CHRM2: variants seen among roughly 807,000 people sequenced by gnomAD.
The protein encoded by CHRM2 is muscarinic acetylcholine receptor M2.
In CHRM2, 8 loss-of-function variants were observed where a neutral mutation model predicts 25.0. The ratio of observed to expected loss-of-function variants is 0.32; its 90% CI spans 0.19 to 0.58. The LOEUF is 0.58. Ranked by LOEUF, CHRM2 falls within the 20% of genes least tolerant of loss-of-function variation. The pLI is 0.88. For missense variants in CHRM2, 440 were observed against 567.1 expected (o/e 0.78, Z 2.28); for synonymous variants, 202 against 205.7 (o/e 0.98, Z 0.15).
intron 2 of CHRM2, among the ~76,000 whole-genome samples, chr7:136,973,989 T>C (rs2130942675): frequency 6.6e-6 from 1 of 152,294 alleles, no homozygotes; most frequent in South Asian, 2.1e-4. Context: ...TTGCCTTTCT[T>C]GAGAATAGAA....
chr7:136,919,732 C>G (rs1798318637), intron 2 of CHRM2, among the ~76,000 whole-genome samples: 1 of 152,062 alleles, frequency 6.6e-6, no homozygotes, highest in Non-Finnish European at 1.5e-5. Context: ...CCCTTTCTCT[C>G]CATTTCTAGG....
intron 2 of CHRM2, among the ~76,000 whole-genome samples, chr7:136,911,554 T>C (rs1159779635): frequency 1.3e-5 from 2 of 152,018 alleles, no homozygotes; most frequent in South Asian, 4.1e-4. Flanking sequence ...TTGGGCTGTA[T>C]CTTCACGTAC....
At chr7:136,988,912 A>G (rs937701004) in intron 2 of CHRM2, among the ~76,000 whole-genome samples, 4 of 152,034 alleles carry the variant, frequency 2.6e-5, no homozygotes, top group African/African-American at 9.7e-5. Flanking sequence ...AAATTTATGA[A>G]TTCATGATAA....
At chr7:136,926,029 G>C (rs1798727752) in intron 2 of CHRM2, among the ~76,000 whole-genome samples, 1 of 152,090 alleles carries the variant, frequency 6.6e-6, no homozygotes, top group Admixed American at 6.5e-5. Flanking sequence ...TTGAGTCCAG[G>C]AGTTTGGGAC....
intron 3 of CHRM2, among the ~76,000 whole-genome samples, chr7:137,007,431 C>A (rs1327768348): frequency 2.6e-5 from 4 of 152,036 alleles, no homozygotes. Context: ...AGCTAGAGAG[C>A]CATGATTTCT....
At chr7:136,915,776 A>C (rs1284021993) in intron 2 of CHRM2, among the ~76,000 whole-genome samples, 1 of 151,880 alleles carries the variant, frequency 6.6e-6, no homozygotes, top group Non-Finnish European at 1.5e-5. Flanking sequence ...CAGTGAATTC[A>C]GTATATAATG....
At chr7:136,881,844 G>T (rs1055377904) in intron 2 of CHRM2, among the ~76,000 whole-genome samples, 2 of 151,898 alleles carry the variant, frequency 1.3e-5, no homozygotes, top group African/African-American at 4.8e-5. Context: ...AATATCACAG[G>T]GCTGTTTACT....
At chr7:136,990,126 T>C (rs1201641169) in intron 2 of CHRM2, among the ~76,000 whole-genome samples, 2 of 152,162 alleles carry the variant, frequency 1.3e-5, no homozygotes, top group Non-Finnish European at 2.9e-5. Context: ...ATTTCTTATA[T>C]ACCTCCTACC....
chr7:136,938,070 G>A (rs1410919825), intron 2 of CHRM2, among the ~76,000 whole-genome samples: 1 of 152,166 alleles, frequency 6.6e-6, no homozygotes, highest in African/African-American at 2.4e-5. Flanking sequence ...GAGAGGGCAG[G>A]CATTTCTGGA....
chr7:136,901,633 G>T (rs79023100), intron 2 of CHRM2, among the ~76,000 whole-genome samples: 3,065 of 151,862 alleles, frequency 0.02, 99 homozygotes, highest in African/African-American at 0.07. Context: ...CATTTCCATT[G>T]TTATTTTTTG....
At chr7:136,916,313 T>C (rs1798109512) in intron 2 of CHRM2, among the ~76,000 whole-genome samples, 1 of 151,894 alleles carries the variant, frequency 6.6e-6, no homozygotes, top group Admixed American at 6.6e-5. Context: ...TAATCCTCAT[T>C]TTAAATAATA....
chr7:137,015,433 A>G lies in CHRM2; in HGVS notation c.568A>G (p.Thr190Ala). 1 of 1,613,440 alleles carries G rather than the reference A, an allele frequency of 6.2e-7. No homozygotes were observed. Residue 190 changes from threonine to alanine, a missense_variant, in exon 4 of 4, where the codon ACG becomes GCG. Transcript: ENST00000680005. This position sits in a 1 kb window ranked among gnomAD's most constrained non-coding sequence, Gnocchi z 5.1. ...FFSNAAVTFG[T>A]AIAAFYLPVI... The stretch of plus-strand genomic sequence containing the variant: ...TTCCAATGCTGCTGTCACCTTTGGT[A>G]CGGCTATTGCAGCCTTCTATTTGCC...
chr7:136,965,080 G>C (rs324581), intron 2 of CHRM2, among the ~76,000 whole-genome samples: 129,312 of 152,084 alleles, frequency 0.85, 55,895 homozygotes, highest in Middle Eastern at 0.97. Flanking sequence ...TAAAAGTCTA[G>C]ATATCTATGA....
At chr7:136,994,017 T>C (rs1285802466) in intron 3 of CHRM2, among the ~76,000 whole-genome samples, 2 of 152,150 alleles carry the variant, frequency 1.3e-5, no homozygotes, top group African/African-American at 4.8e-5. Context: ...TGCTTGCAGG[T>C]GATGGTTGCA....
chr7:137,004,323 A>G (rs1804271547), intron 3 of CHRM2, among the ~76,000 whole-genome samples: 1 of 152,208 alleles, frequency 6.6e-6, no homozygotes, highest in African/African-American at 2.4e-5. Flanking sequence ...GTTTATTTCA[A>G]GAAGGGAAAT....
At chr7:136,950,843 T>G (rs531469047) in intron 2 of CHRM2, among the ~76,000 whole-genome samples, 1 of 151,944 alleles carries the variant, frequency 6.6e-6, no homozygotes. Flanking sequence ...AGAGAGAGAA[T>G]CTTGCTCTGT....
At chr7:136,932,945 ACTTAAACCTGG>A (rs1799192595) in intron 2 of CHRM2, among the ~76,000 whole-genome samples, 1 of 152,084 alleles carries the variant, frequency 6.6e-6, no homozygotes, top group South Asian at 2.1e-4. Flanking sequence ...CAGGAGAATC[ACTTAAACCTGG>A]GAGGCAGAGG....
chr7:136,908,323 A>G (rs1483470753), intron 2 of CHRM2, among the ~76,000 whole-genome samples: 1 of 151,950 alleles, frequency 6.6e-6, no homozygotes, highest in Non-Finnish European at 1.5e-5. Flanking sequence ...CGAGGCTCTT[A>G]TTCTTAACTA....
At position 136,950,360 on chromosome 7, in the gene CHRM2, G is replaced by T. The variant is rs551133591; in HGVS notation, c.-124-41827G>T. Among the ~76,000 whole-genome samples, 129 of 152,272 alleles carry T rather than the reference G, an allele frequency of 8.5e-4. 1 individual carries two copies. Among genetic ancestry groups the T allele is most frequent in the African/African-American group, 3.0e-3 (123 of 41,552 alleles). On this transcript the variant is annotated intron_variant, in intron 2 of 3. Coordinates refer to ENST00000680005, the MANE Select transcript of CHRM2 (RefSeq NM_001006630.2). ...ATAATGGGGATGGATCCCCCTCCAG[G>T]ATGCTCCTGTCCCTGCGGGATGGGG... is the stretch of plus-strand genomic sequence containing the variant.
Sources: gnomAD v4.1 joint callset for allele counts (sites outside exome capture counted in the v4.1 genomes callset) on GRCh38, gnomAD v4.1.1 for gene constraint, Gnocchi (gnomAD v3.1) non-coding constraint, MANE v1.5 for transcripts, NCBI Gene and HGNC (gene_info 2026-07-23, HGNC 2026-07-21) for gene names.